The following COL6A5 variants were observed in gnomAD, a reference collection of about 807,000 sequenced individuals.
The protein encoded by COL6A5 is collagen alpha-5(VI) chain.
COL6A5 carries 48 observed loss-of-function variants against 65.6 expected under a neutral mutation model. The observed-to-expected ratio is 0.73, with a 90% confidence interval of 0.58 to 0.93. COL6A5 has a LOEUF of 0.93. Ranked by LOEUF, COL6A5 falls within the 40% of genes least tolerant of loss-of-function variation. COL6A5 has a pLI of 0.00. For missense variants in COL6A5, 914 were observed against 928.3 expected (o/e 0.98, Z 0.20); for synonymous variants, 291 against 322.8 (o/e 0.90, Z 1.05).
At chr3:130,369,553 C>T (rs1214494908) in intron 1 of COL6A5, among the ~76,000 whole-genome samples, 1 of 152,168 alleles carries the variant, frequency 6.6e-6, no homozygotes, top group East Asian at 1.9e-4. Flanking sequence ...CACCAAGTCA[C>T]TTTAACACCT....
intron 1 of COL6A5, among the ~76,000 whole-genome samples, chr3:130,437,206 T>C (rs988008418): frequency 3.3e-5 from 5 of 152,128 alleles, no homozygotes; most frequent in African/African-American, 1.2e-4. Context: ...AGTGCATATA[T>C]GTACATATAT....
intron 5 of COL6A5, among the ~76,000 whole-genome samples, chr3:130,460,326 C>A (rs1274918360): frequency 2.6e-5 from 4 of 152,078 alleles, no homozygotes; most frequent in Non-Finnish European, 4.4e-5. Context: ...AAGCTGTAGA[C>A]TGAGATGTTT....
chr3:130,432,701 G>A (rs1187664408), intron 1 of COL6A5, among the ~76,000 whole-genome samples: 1 of 152,152 alleles, frequency 6.6e-6, no homozygotes, highest in African/African-American at 2.4e-5. Context: ...CTGCTCTGGT[G>A]TTTCTCAAAT....
At chr3:130,418,777 C>A in intron 24 of COL6A5, 92 bp from the exon 25 acceptor site, 1 of 979,324 alleles carries the variant, frequency 1.0e-6, no homozygotes. Context: ...CACTGAGAAC[C>A]TTGAGTCTCC....
chr3:130,482,431 T>C (rs1265536911), intron 7 of COL6A5, among the ~76,000 whole-genome samples: 1 of 152,226 alleles, frequency 6.6e-6, no homozygotes, highest in Non-Finnish European at 1.5e-5. Context: ...AATACCATGC[T>C]GTTTTGGTTA....
At chr3:130,443,419 C>A in intron 3 of COL6A5, 57 bp from the exon 36 acceptor site, 1 of 1,282,332 alleles carries the variant, frequency 7.8e-7, no homozygotes, top group Non-Finnish European at 1.1e-6. Context: ...ATTCTCTTTA[C>A]CTAGGAAACA....
intron 14 of COL6A5, 50 bp downstream of exon 14, chr3:130,405,709 CCT>C (rs1352376561): frequency 9.5e-6 from 13 of 1,367,020 alleles, no homozygotes; most frequent in Non-Finnish European, 1.3e-5. Flanking sequence ...ACATTCTCTC[CCT>C]CTCTTTCCCC....
At chr3:130,465,893 G>A (rs1263002500) in intron 5 of COL6A5, among the ~76,000 whole-genome samples, 4 of 152,014 alleles carry the variant, frequency 2.6e-5, no homozygotes, top group African/African-American at 2.4e-5. Context: ...GAAAACCATT[G>A]TGTCTAAGAG....
chr3:130,415,364 C>T (rs1366896145), intron 22 of COL6A5, among the ~76,000 whole-genome samples: 1 of 152,078 alleles, frequency 6.6e-6, no homozygotes, highest in Non-Finnish European at 1.5e-5. Flanking sequence ...GTCTTACTTC[C>T]TTTGCTTATA....
At chr3:130,359,378 T>C (rs1935030493) in intron 1 of COL6A5, among the ~76,000 whole-genome samples, 3 of 152,136 alleles carry the variant, frequency 2.0e-5, no homozygotes, top group South Asian at 2.1e-4. Context: ...CACAGTTTTT[T>C]AGAAGCCTAT....
chr3:130,465,806 C>T (rs1044981298), intron 5 of COL6A5, among the ~76,000 whole-genome samples: 4 of 151,920 alleles, frequency 2.6e-5, no homozygotes, highest in Admixed American at 6.6e-5. Context: ...GTCATTGTAA[C>T]GGTATTCAAT....
chr3:130,350,764 C>G (rs1934673379), intron 1 of COL6A5, among the ~76,000 whole-genome samples: 1 of 152,040 alleles, frequency 6.6e-6, no homozygotes. Context: ...CTATGCCATC[C>G]CCATCAAGCT....
intron 12 of COL6A5, 81 bp from the exon 13 acceptor site, chr3:130,403,528 C>T (rs1005398484): frequency 8.0e-7 from 1 of 1,243,678 alleles, no homozygotes; most frequent in Non-Finnish European, 1.1e-6. Flanking sequence ...AAGGGACTTG[C>T]TTAGAATGCC....
chr3:130,465,030 G>T (rs1709781857), intron 5 of COL6A5, among the ~76,000 whole-genome samples: 1 of 152,022 alleles, frequency 6.6e-6, no homozygotes, highest in African/African-American at 2.4e-5. Flanking sequence ...CAAAACATTT[G>T]AAATAACAAC....
At chr3:130,447,239 C>CT (rs1456196555) in intron 4 of COL6A5, among the ~76,000 whole-genome samples, 1 of 152,032 alleles carries the variant, frequency 6.6e-6, no homozygotes, top group African/African-American at 2.4e-5. Context: ...CAGATAAAAC[C>CT]TGAGAAGGTA....
intron 4 of COL6A5, among the ~76,000 whole-genome samples, chr3:130,450,663 G>C (rs1183218203): frequency 6.6e-6 from 1 of 152,166 alleles, no homozygotes; most frequent in Admixed American, 6.5e-5. Flanking sequence ...AGAATGCCTT[G>C]AGCGTGCTCA....
intron 7 of COL6A5, among the ~76,000 whole-genome samples, chr3:130,393,074 T>TG (rs1559875792): frequency 1.3e-5 from 1 of 79,690 alleles, no homozygotes; most frequent in East Asian, 1.3e-3. Flanking sequence ...AGTGTTTTTT[T>TG]TTTGTGTGTG....
exon 3 of COL6A5, chr3:130,376,462 A>G (rs1935775443): frequency 2.5e-6 from 4 of 1,612,140 alleles, no homozygotes; most frequent in African/African-American, 1.3e-5. Context: ...AACCACCTCA[A>G]GAAGAACTTT....
At chr3:130,472,681 T>C (rs1050952922) in intron 7 of COL6A5, among the ~76,000 whole-genome samples, 5 of 151,582 alleles carry the variant, frequency 3.3e-5, no homozygotes, top group Admixed American at 6.6e-5. Flanking sequence ...TACTAAAATG[T>C]TTATAAAAGC....
Sources: gnomAD v4.1 joint callset for allele counts (sites outside exome capture counted in the v4.1 genomes callset) on GRCh38, gnomAD v4.1.1 for gene constraint, MANE v1.5 for transcripts, NCBI Gene and HGNC (gene_info 2026-07-23, HGNC 2026-07-21) for gene names.